The following TJP3 variants were observed in gnomAD, a reference collection of about 807,000 sequenced individuals.
The protein encoded by TJP3 is tight junction protein ZO-3.
Under a neutral mutation model 104.2 loss-of-function variants are expected in TJP3, and 85 were observed. The ratio of observed to expected loss-of-function variants is 0.82; its 90% CI spans 0.68 to 0.98. The LOEUF (loss-of-function observed/expected upper bound fraction) is 0.98. TJP3 is among the 50% of genes least tolerant of loss of function. The pLI is 0.00. For missense variants in TJP3, 1,367 were observed against 1,322.8 expected (o/e 1.03, Z -0.52); for synonymous variants, 550 against 550.6 (o/e 1.00, Z 0.02).
At chr19:3,719,596 C>T (rs1485404548) in intron 1 of TJP3, among the ~76,000 whole-genome samples, 2 of 151,644 alleles carry the variant, frequency 1.3e-5, no homozygotes, top group Admixed American at 6.6e-5. Flanking sequence ...ATTAGCCAGG[C>T]GTGGTGGCGG....
chr19:3,723,823 A>G (rs1568379999), intron 1 of TJP3, among the ~76,000 whole-genome samples: 1 of 148,190 alleles, frequency 6.7e-6, no homozygotes, highest in African/African-American at 2.5e-5. Context: ...ATATATATAT[A>G]TATATAAAAT....
At chr19:3,728,530 GC>G (rs776597612) in intron 2 of TJP3, 50 bp downstream of exon 2, 3 of 1,599,060 alleles carry the variant, frequency 1.9e-6, no homozygotes, top group African/African-American at 2.7e-5. Flanking sequence ...GGCGGCTTAG[GC>G]CCAGCTCAAT....
intron 1 of TJP3, among the ~76,000 whole-genome samples, chr19:3,718,040 C>T (rs1464779381): frequency 6.6e-6 from 1 of 151,608 alleles, no homozygotes; most frequent in Non-Finnish European, 1.5e-5. Context: ...ACGGTGAAAC[C>T]CCATCTCTAC....
Position 3,736,300 on chromosome 19 carries a change from G to A in TJP3, c.1263G>A (p.Gln421=). ...GCCCGGCCGACGGGCAGGGCATCCA[G>A]GAGGGAGATCAGATTCTGCAGGTGC... The part of the protein sequence containing the change: ...AGSPADGQGI[Q]EGDQILQVND... Residue 421 remains glutamine (Q), a synonymous_variant, in exon 11 of 21, where the codon CAG becomes CAA. Coordinates refer to ENST00000541714, the MANE Select transcript of TJP3 (RefSeq NM_001267560.2). 6.5e-7 allele frequency: 1 copy of A among 1,536,070 alleles called. No homozygotes were observed. The highest frequency in any genetic ancestry group is 8.7e-7 in the Non-Finnish European group (1 of 1,143,568).
intron 1 of TJP3, among the ~76,000 whole-genome samples, chr19:3,710,172 TG>T (rs1180137689): frequency 8.3e-6 from 1 of 120,722 alleles, no homozygotes; most frequent in Non-Finnish European, 1.7e-5. Context: ...AAAAAAGGGG[TG>T]GGGGGATATG....
chr19:3,745,188 C>T (rs547015657), intron 15 of TJP3, among the ~76,000 whole-genome samples: 20 of 127,334 alleles, frequency 1.6e-4, no homozygotes, highest in Non-Finnish European at 2.6e-4. Context: ...CTCTGTTGCC[C>T]AGGCTGGAGT....
rs150239168 is a variant in TJP3, at chr19:3,730,667, C to G, written c.574C>G (p.Pro192Ala). The change falls in exon 5 of 21, where the codon CCT (proline) becomes GCT (alanine). Residue 192 changes from proline to alanine, a missense_variant. Physicochemically the swap from Pro to Ala is conservative, Grantham distance 27 (BLOSUM62 -1). Coordinates refer to ENST00000541714, the MANE Select transcript of TJP3 (RefSeq NM_001267560.2). This position sits in a 1 kb window ranked among gnomAD's most constrained non-coding sequence, Gnocchi z 7.3. ...RLPRQDVQMK[P>A]VKSVLVKRRD... ...GCCACGGCAGGACGTGCAGATGAAGCCTGTGAAGTCAGTGCTGGTGAAGAG... is the reference window on the plus strand; with the variant it reads ...GCCACGGCAGGACGTGCAGATGAAGGCTGTGAAGTCAGTGCTGGTGAAGAG... 5.6e-6 allele frequency: 9 copies of G among 1,610,662 alleles called. No individual in the cohort carries two copies. The South Asian group carries it at 8.8e-5, about 16-fold the overall frequency.
In TJP3 at chr19:3,746,664, G is replaced by C. The variant is rs771255548; in HGVS notation, c.2190G>C (p.Lys730Asn). The C allele has an allele frequency of 5.6e-6, 9 of 1,613,148 alleles. No homozygotes were observed. In the Admixed American group the frequency reaches 1.5e-4, roughly 27 times the overall value. The part of the protein sequence containing the change: ...STRRLYAQAQ[K>N]LRKHSSHLFT... ...GTCGCCTCTACGCACAAGCCCAGAA[G>C]CTGCGAAAACACAGCAGCCACCTCT... The change falls in exon 17 of 21, where the codon AAG becomes AAC. Residue 730 changes from lysine (K) to asparagine (N), a missense_variant. Lys to Asn is a moderately conservative substitution (Grantham distance 94). Coordinates refer to ENST00000541714, the MANE Select transcript of TJP3 (RefSeq NM_001267560.2). The surrounding 1 kb of genome is among the most constrained non-coding windows in gnomAD (Gnocchi z 4.1).
chr19:3,718,469 G>GTTT (rs2036512181), intron 1 of TJP3, among the ~76,000 whole-genome samples: 1 of 140,044 alleles, frequency 7.1e-6, no homozygotes, highest in Admixed American at 7.3e-5. Context: ...TTTTTTTTTG[G>GTTT]GGTGGTGGGG....
rs573515259 is a variant in TJP3, at chr19:3,738,191, C to T, written c.1285-364C>T. On this transcript the variant is annotated intron_variant, in intron 11 of 20. Coordinates refer to ENST00000541714, the MANE Select transcript of TJP3 (RefSeq NM_001267560.2). ...TGTCACGACCCTGTGACTACTGTGA[C>T]TACGTCTGAGTTCTTTTGAGCATTT... is the stretch of plus-strand genomic sequence containing the variant. 2.0e-5 allele frequency among the ~76,000 whole-genome samples: 3 copies of T among 152,320 alleles called. No homozygotes were observed. The South Asian group carries it at 6.2e-4, about 32-fold the overall frequency.
chr19:3,723,036 A>G (rs1255905816), intron 1 of TJP3, among the ~76,000 whole-genome samples: 1 of 152,182 alleles, frequency 6.6e-6, no homozygotes, highest in Non-Finnish European at 1.5e-5. Context: ...GGACAGGGGC[A>G]GGGCTGGGAA....
intron 15 of TJP3, among the ~76,000 whole-genome samples, chr19:3,745,410 C>G (rs1163228029): frequency 2.0e-5 from 3 of 152,082 alleles, no homozygotes; most frequent in African/African-American, 7.2e-5. Flanking sequence ...TCCCAAAGTG[C>G]TGGGACTACA....
intron 1 of TJP3, among the ~76,000 whole-genome samples, chr19:3,716,780 CAT>C (rs1255662392): frequency 0.012 from 1,275 of 103,206 alleles, 64 homozygotes; most frequent in African/African-American, 0.044. Context: ...CCAGCTCATA[CAT>C]ATATATATAT....
chr19:3,747,298 C>T (rs918716298), intron 18 of TJP3, among the ~76,000 whole-genome samples: 7 of 152,100 alleles, frequency 4.6e-5, no homozygotes, highest in African/African-American at 9.7e-5. Context: ...TGACCTCAGG[C>T]GATCCACCTG....
intron 3 of TJP3, among the ~76,000 whole-genome samples, chr19:3,729,404 A>G (rs2036639984): frequency 6.6e-6 from 1 of 152,184 alleles, no homozygotes; most frequent in African/African-American, 2.4e-5. Context: ...AATATGAAAT[A>G]CAGACAGGAA....
At chr19:3,748,267 A>ATTTT (rs1274711670) in intron 19 of TJP3, among the ~76,000 whole-genome samples, 186 bp downstream of exon 19, 9 of 119,744 alleles carry the variant, frequency 7.5e-5, no homozygotes, top group African/African-American at 2.6e-4. Flanking sequence ...AACTTGCAGC[A>ATTTT]TTTTTTTTTT....
At chr19:3,726,595 T>G (rs1173873704) in intron 1 of TJP3, among the ~76,000 whole-genome samples, 2 of 150,034 alleles carry the variant, frequency 1.3e-5, no homozygotes, top group Non-Finnish European at 3.0e-5. Flanking sequence ...TTTTTTTTGT[T>G]TTTTTTTTTT....
intron 11 of TJP3, among the ~76,000 whole-genome samples, chr19:3,736,868 G>A (rs529127976): frequency 7.1e-5 from 10 of 140,836 alleles, no homozygotes; most frequent in African/African-American, 2.2e-4. Context: ...GAGCCACTGC[G>A]CCTGGCTAAC....
At chr19:3,734,811 C>T (rs963889155) in intron 8 of TJP3, among the ~76,000 whole-genome samples, 6 of 152,058 alleles carry the variant, frequency 3.9e-5, no homozygotes, top group Non-Finnish European at 7.4e-5. Flanking sequence ...AAAATTAGCC[C>T]GGCGTGGTGC....
Sources: gnomAD v4.1 joint callset for allele counts (sites outside exome capture counted in the v4.1 genomes callset) on GRCh38, gnomAD v4.1.1 for gene constraint, Gnocchi (gnomAD v3.1) non-coding constraint, MANE v1.5 for transcripts, NCBI Gene and HGNC (gene_info 2026-07-23, HGNC 2026-07-21) for gene names.